The following CLCN7 variants were observed in gnomAD, a reference collection of about 807,000 sequenced individuals.
CLCN7 encodes Cl-/H+ antiporter 7.
In CLCN7, 60 loss-of-function variants were observed where a neutral mutation model predicts 102.1. The ratio of observed to expected loss-of-function variants is 0.59; its 90% CI spans 0.48 to 0.73. The LOEUF is 0.73. CLCN7 is among the 30% of genes least tolerant of loss of function. The probability of loss-of-function intolerance (pLI) is 0.00; values close to 1 mark genes in which losing one functional copy is unlikely to be tolerated. For missense variants in CLCN7, 962 were observed against 1,125.7 expected, an observed-to-expected ratio of 0.85 and a Z score of 2.08; for synonymous variants, 560 against 490.5, an observed-to-expected ratio of 1.14 and a Z score of -1.87.
In CLCN7 at chr16:1,474,141, G is replaced by A. The variant is rs34635418; in HGVS notation, c.141+693C>T. 4.6e-3 allele frequency: 2,105 copies of A among 455,968 alleles called. 12 individuals carry two copies. The highest frequency in any genetic ancestry group is 8.0e-3 in the Non-Finnish European group (1,815 of 226,756). 28.2% of individuals were successfully genotyped at this position (455,968 alleles called of 1,614,324 possible). A position where few individuals can be genotyped will look rare whatever the true frequency, so the allele number is the denominator to read the frequency against. On this transcript the variant is annotated intron_variant, in intron 1 of 24. Coordinates refer to ENST00000382745, the MANE Select transcript of CLCN7 (RefSeq NM_001287.6). ...ACAGGGAAACAAATGTACCCGCAACGGTTCTCCAGACCTTAACACTGCTCA... is the reference window on the plus strand; with the variant it reads ...ACAGGGAAACAAATGTACCCGCAACAGTTCTCCAGACCTTAACACTGCTCA...
At chr16:1,472,958 G>C (rs2039097890) in intron 1 of CLCN7, among the ~76,000 whole-genome samples, 1 of 149,320 alleles carries the variant, frequency 6.7e-6, no homozygotes, top group East Asian at 2.0e-4. Flanking sequence ...TTTTGAGACA[G>C]GGTTTCACTA....
chr16:1,471,075 G>T (rs1399798692), intron 1 of CLCN7, among the ~76,000 whole-genome samples: 1 of 152,090 alleles, frequency 6.6e-6, no homozygotes, highest in Non-Finnish European at 1.5e-5. Flanking sequence ...TGACTGGCTT[G>T]GTCAATTCAC....
intron 12 of CLCN7, among the ~76,000 whole-genome samples, chr16:1,454,774 C>A (rs936955544): frequency 6.6e-6 from 1 of 152,226 alleles, no homozygotes; most frequent in Non-Finnish European, 1.5e-5. Context: ...CAGAGCCGCC[C>A]TATCGATGGC....
At position 1,457,359 on chromosome 16, in the gene CLCN7, G is replaced by T. The variant is rs906255612; in HGVS notation, c.739-22C>A. On this transcript the variant is annotated intron_variant, in intron 8 of 24. Coordinates refer to ENST00000382745, the MANE Select transcript of CLCN7 (RefSeq NM_001287.6). This position sits in a 1 kb window ranked among gnomAD's most constrained non-coding sequence, Gnocchi z 5.4. ...CTTCCTGGAGACCAGAAGGACCGGT[G>T]CTCAGAGACACGCGTGACGCGGCCC... is the stretch of plus-strand genomic sequence containing the variant. The T allele has an allele frequency of 1.9e-6, 3 of 1,607,018 alleles. No homozygotes were observed. In the African/African-American group the frequency reaches 4.0e-5, roughly 21 times the overall value.
Position 1,457,754 on chromosome 16 carries a change from C to G in CLCN7, c.678G>C (p.Thr226=). 2.5e-6 allele frequency: 4 copies of G among 1,613,888 alleles called. No individual in the cohort carries two copies. Among genetic ancestry groups the G allele is most frequent in the Non-Finnish European group, 3.4e-6 (4 of 1,179,990 alleles). The change falls in exon 8 of 25, where the codon ACG becomes ACC. Residue 226 remains threonine, a splice_region_variant and synonymous_variant. Coordinates refer to ENST00000382745, the MANE Select transcript of CLCN7 (RefSeq NM_001287.6). This position sits in a 1 kb window ranked among gnomAD's most constrained non-coding sequence, Gnocchi z 5.4. The part of the protein sequence containing the change: ...VKIPHVVRLK[T]LVIKVSGVIL... Reference sequence around the variant, plus strand: ...TCACACCGGACACTTTGATCACCAACGTCTGAAACACAGGGAGACGCATGG... The same window carrying G: ...TCACACCGGACACTTTGATCACCAAGGTCTGAAACACAGGGAGACGCATGG...
At chr16:1,453,697 A>G in intron 14 of CLCN7, 137 bp downstream of exon 14, 1 of 846,936 alleles carries the variant, frequency 1.2e-6, no homozygotes, top group Non-Finnish European at 2.0e-6. Context: ...CGGGGAAACC[A>G]TCAGGAAGGA....
rs114827619 is a variant in CLCN7 at position 1,448,407 on chromosome 16, G to A, written c.1961C>T (p.Thr654Met). The part of the protein sequence containing the change: ...VGVIVDVLSD[T>M]ASNHNGFPVV... ...GGGGAAGCCGTTGTGATTGGACGCC[G>A]TGTCGCTCAGCACGTCCACAATGAC... The change falls in exon 21 of 25, where the codon ACG (threonine) becomes ATG (methionine). Residue 654 changes from threonine (T) to methionine (M), a missense_variant. By Grantham distance (81) the Thr-to-Met change is moderately conservative. Transcript: ENST00000382745. The A allele has an allele frequency of 8.5e-4, 1,377 of 1,612,678 alleles. 8 individuals carry two copies. In the African/African-American group the frequency reaches 0.015, roughly 18 times the overall value.
intron 1 of CLCN7, among the ~76,000 whole-genome samples, chr16:1,470,718 G>C (rs2039066840): frequency 6.6e-6 from 1 of 152,204 alleles, no homozygotes; most frequent in East Asian, 1.9e-4. Flanking sequence ...GTACAGCAGA[G>C]CTCAAGGGGC....
At chr16:1,454,301 G>A (rs1423330812) in intron 13 of CLCN7, 110 bp downstream of exon 13, 20 of 1,160,372 alleles carry the variant, frequency 1.7e-5, no homozygotes, top group Non-Finnish European at 5.1e-6. Flanking sequence ...GTGGCCCTGG[G>A]ATGAGGGCAG....
Position 1,473,370 on chromosome 16 carries a change from C to CTTTTTTT in CLCN7, c.141+1457_141+1463dup, listed in dbSNP as rs779736867. Among the ~76,000 whole-genome samples the CTTTTTTT allele has an allele frequency of 6.4e-4, 49 of 76,696 alleles. 1 individual carries two copies. The highest frequency in any genetic ancestry group is 9.8e-4 in the African/African-American group (17 of 17,412). The allele number at this position is 76,696 out of a possible 152,430, so 50.3% of individuals were successfully genotyped here. A position where few individuals can be genotyped will look rare whatever the true frequency, so the allele number is the denominator to read the frequency against. On this transcript the variant is annotated intron_variant, in intron 1 of 24. Transcript: ENST00000382745. ...GGCTGATTTTCGTGTCCTTCCTAAA[C>CTTTTTTT]TTTTTTTTTTTTTTTTTTTTTTTTG...
chr16:1,452,857 G>A lies in CLCN7; in HGVS notation c.1251C>T (p.Ala417=), dbSNP rs778642605. The stretch of plus-strand genomic sequence containing the variant: ...TGGCCGTGACGGCGGCCACCAGCAC[G>A]GCCTCAATCACCTGCAGGCAGGGCC... ...IHRPCLQVIE[A]VLVAAVTATV... The change falls in exon 15 of 25, where the codon GCC becomes GCT. Residue 417 remains alanine, a synonymous_variant. Coordinates refer to ENST00000382745, the MANE Select transcript of CLCN7 (RefSeq NM_001287.6). 1.5e-5 allele frequency: 24 copies of A among 1,579,882 alleles called. No homozygotes were observed. Among genetic ancestry groups the A allele is most frequent in the African/African-American group, 6.8e-5 (5 of 73,950 alleles).
At position 1,475,010 on chromosome 16, in the gene CLCN7, GGCT is replaced by G; in HGVS notation, c.-39_-37del. 7.0e-7 allele frequency: 1 copy of G among 1,419,916 alleles called. No individual in the cohort carries two copies. Among genetic ancestry groups the G allele is most frequent in the Non-Finnish European group, 9.2e-7 (1 of 1,084,014 alleles). 88.0% of individuals were successfully genotyped at this position (1,419,916 alleles called of 1,614,324 possible). A position where few individuals can be genotyped will look rare whatever the true frequency, so the allele number is the denominator to read the frequency against. Reference sequence around the variant, plus strand: ...GGAGCGACACCGGCCGGGAAGCGCCGGCTGCCCCCGTGTTTGTTCTCGTGACCC... The same window carrying G: ...GGAGCGACACCGGCCGGGAAGCGCCGGCCCCCGTGTTTGTTCTCGTGACCC... On this transcript the variant is annotated 5_prime_UTR_variant, in exon 1 of 25. Transcript: ENST00000382745.
chr16:1,468,061 C>A (rs191187952), intron 1 of CLCN7, among the ~76,000 whole-genome samples: 16 of 152,126 alleles, frequency 1.1e-4, no homozygotes, highest in Non-Finnish European at 2.1e-4. Context: ...CCAGCCTGGG[C>A]AACACGGCAA....
In CLCN7 at chr16:1,457,221, T is replaced by C. The variant is rs1326185299; in HGVS notation, c.822+33A>G. On this transcript the variant is annotated intron_variant, in intron 9 of 24. Transcript: ENST00000382745. The surrounding 1 kb of genome is among the most constrained non-coding windows in gnomAD (Gnocchi z 5.4). Reference sequence around the variant, plus strand: ...GGTGCCCGTGCCCGTGCCCATGGCATCTGGAGCCCACCCACACAAGATTTC... The same window carrying C: ...GGTGCCCGTGCCCGTGCCCATGGCACCTGGAGCCCACCCACACAAGATTTC... 6.3e-7 allele frequency: 1 copy of C among 1,598,232 alleles called. No homozygotes were observed. Among genetic ancestry groups the C allele is most frequent in the Non-Finnish European group, 8.6e-7 (1 of 1,165,762 alleles).
chr16:1,447,904 G>A (rs1216106761), intron 21 of CLCN7, among the ~76,000 whole-genome samples, 190 bp from the exon 22 acceptor site: 1 of 152,218 alleles, frequency 6.6e-6, no homozygotes, highest in Non-Finnish European at 1.5e-5. Flanking sequence ...CGGGACCCAA[G>A]GATCGGCGAC....
In CLCN7 at chr16:1,447,581, G is replaced by A; in HGVS notation, c.2074-13C>T. ...GCTCCACAAACACCTGCGGGCGGCA[G>A]AGCCCTGTGTCAGGCACCCAGGCAG... On this transcript the variant is annotated splice_polypyrimidine_tract_variant and intron_variant, in intron 22 of 24. Transcript: ENST00000382745. 2 of 1,553,524 alleles carry A rather than the reference G, an allele frequency of 1.3e-6. No individual in the cohort carries two copies. The highest frequency in any genetic ancestry group is 1.7e-6 in the Non-Finnish European group (2 of 1,148,760).
chr16:1,469,911 G>A (rs958917145), intron 1 of CLCN7, among the ~76,000 whole-genome samples: 1 of 152,238 alleles, frequency 6.6e-6, no homozygotes, highest in Non-Finnish European at 1.5e-5. Context: ...CCGTGCTGCA[G>A]CACGACGGGC....
At chr16:1,449,702 C>CCGCAGA in intron 17 of CLCN7, 3 of 364,176 alleles carry the variant, frequency 8.2e-6, no homozygotes, top group Non-Finnish European at 1.0e-5. Context: ...GGCATGGAGG[C>CCGCAGA]TGCAGAAAGC....
intron 1 of CLCN7, among the ~76,000 whole-genome samples, chr16:1,468,456 C>T (rs113169664): frequency 2.6e-5 from 4 of 152,222 alleles, no homozygotes; most frequent in South Asian, 2.1e-4. Flanking sequence ...TGGAAGAACA[C>T]GACGTTTACT....
Sources: allele counts gnomAD v4.1 joint callset (sites outside exome capture counted in the v4.1 genomes callset), GRCh38; gene constraint gnomAD v4.1.1; non-coding constraint Gnocchi (gnomAD v3.1); transcripts MANE v1.5; gene names NCBI Gene and HGNC (gene_info 2026-07-23, HGNC 2026-07-21).